Variants in HS6ST1 observed in about 807,000 individuals in gnomAD.
The protein encoded by HS6ST1 is heparan sulfate 6-O-sulfotransferase 1, also known as heparan-sulfate 6-O-sulfotransferase 1.
A neutral mutation model predicts 25.2 loss-of-function variants in HS6ST1; 3 were observed. The ratio of observed to expected loss-of-function variants is 0.12; its 90% confidence interval spans 0.05 to 0.31. The LOEUF (loss-of-function observed/expected upper bound fraction) is 0.31. Among genes scored for constraint, HS6ST1 ranks in the 10% least tolerant of loss-of-function variants. The probability of loss-of-function intolerance (pLI) is 1.00; values close to 1 mark genes in which losing one functional copy is unlikely to be tolerated. For synonymous variants in HS6ST1, 204 were observed against 275.1 expected, an observed-to-expected ratio of 0.74 and a Z score of 2.56; for missense variants, 310 against 609.6, an observed-to-expected ratio of 0.51 and a Z score of 5.18.
At position 128,291,486 on chromosome 2, in the gene HS6ST1, G is replaced by C. The variant is rs74702135; in HGVS notation, c.528-22616C>G. On this transcript the variant is annotated intron_variant, in intron 1 of 1. Coordinates refer to ENST00000259241, the MANE Select transcript of HS6ST1 (RefSeq NM_004807.3). ...TCTCTTGGGGGCTAGACCTCTGGCA[G>C]GGAGGGCCCCAGGCACTGGGTGAGC... 8.0e-3 allele frequency among the ~76,000 whole-genome samples: 1,221 copies of C among 152,352 alleles called. 15 individuals carry two copies. Among genetic ancestry groups the C allele is most frequent in the African/African-American group, 0.025 (1,044 of 41,582 alleles).
At chr2:128,285,322 C>T (rs564992535) in intron 1 of HS6ST1, among the ~76,000 whole-genome samples, 2 of 152,280 alleles carry the variant, frequency 1.3e-5, no homozygotes, top group African/African-American at 2.4e-5. Flanking sequence ...AGGTTCTGGG[C>T]GCACCCCACT....
chr2:128,271,189 G>A (rs1454988077), intron 1 of HS6ST1, among the ~76,000 whole-genome samples: 4 of 152,226 alleles, frequency 2.6e-5, no homozygotes, highest in Admixed American at 2.6e-4. Context: ...TAGCAGCGGG[G>A]ACAGATCCCG....
At chr2:128,302,336 T>C (rs1265223408) in intron 1 of HS6ST1, among the ~76,000 whole-genome samples, 2 of 152,168 alleles carry the variant, frequency 1.3e-5, no homozygotes, top group Non-Finnish European at 2.9e-5. Flanking sequence ...CTGGCGTGCA[T>C]GTGTGTCTGC....
chr2:128,312,665 C>A (rs1694308884), intron 1 of HS6ST1, among the ~76,000 whole-genome samples: 1 of 152,192 alleles, frequency 6.6e-6, no homozygotes, highest in Admixed American at 6.5e-5. Flanking sequence ...AAGTGCCCTA[C>A]ATAGATGGGC....
intron 1 of HS6ST1, among the ~76,000 whole-genome samples, chr2:128,283,657 G>C (rs563164506): frequency 5.9e-5 from 9 of 152,122 alleles, no homozygotes; most frequent in Admixed American, 1.3e-4. Context: ...CTGCAGCCTC[G>C]GCCTCCCCCT....
intron 1 of HS6ST1, among the ~76,000 whole-genome samples, chr2:128,306,205 G>A (rs534491358): frequency 4.1e-4 from 63 of 152,194 alleles, no homozygotes; most frequent in Non-Finnish European, 7.8e-4. Context: ...TTGTGCCTCC[G>A]CTCCTCAGCA....
intron 1 of HS6ST1, among the ~76,000 whole-genome samples, chr2:128,299,791 C>T (rs1193928306): frequency 1.3e-5 from 2 of 152,228 alleles, no homozygotes; most frequent in Non-Finnish European, 2.9e-5. Flanking sequence ...ACCCCTCCCC[C>T]ATCCCGGCCC....
chr2:128,312,831 G>A (rs533136027), intron 1 of HS6ST1, among the ~76,000 whole-genome samples: 10 of 152,264 alleles, frequency 6.6e-5, no homozygotes, highest in African/African-American at 2.4e-4. Context: ...AGGCGAAGTC[G>A]GGCAGATCAC....
In HS6ST1 at chr2:128,271,296, C is replaced by T. The variant is rs532853056; in HGVS notation, c.528-2426G>A. Among the ~76,000 whole-genome samples the T allele has an allele frequency of 2.2e-4, 33 of 152,352 alleles. 1 individual carries two copies. The South Asian group carries it at 5.8e-3, about 27-fold the overall frequency. On this transcript the variant is annotated intron_variant, in intron 1 of 1. Coordinates refer to ENST00000259241, the MANE Select transcript of HS6ST1 (RefSeq NM_004807.3). ...TGTGTATCGTGCAGGCTCCAGAAGA[C>T]GCTGATGAGCCTTAGAGCCTGCTGG... is the stretch of plus-strand genomic sequence containing the variant.
intron 1 of HS6ST1, among the ~76,000 whole-genome samples, chr2:128,285,442 C>T (rs534869081): frequency 5.9e-5 from 9 of 152,324 alleles, no homozygotes; most frequent in East Asian, 1.9e-4. Context: ...CTGCACTGGG[C>T]GCCTGTGTAC....
intron 1 of HS6ST1, among the ~76,000 whole-genome samples, chr2:128,287,218 G>A (rs990909846): frequency 2.6e-5 from 4 of 152,194 alleles, no homozygotes; most frequent in African/African-American, 9.7e-5. Context: ...CCCAGGAATG[G>A]TCACTCCCAT....
chr2:128,278,544 C>A (rs578194990), intron 1 of HS6ST1, among the ~76,000 whole-genome samples: 1 of 152,246 alleles, frequency 6.6e-6, no homozygotes, highest in East Asian at 1.9e-4. Flanking sequence ...TGAGCTGTCA[C>A]AGGGAGTCAT....
At chr2:128,308,388 G>C (rs1694242214) in intron 1 of HS6ST1, among the ~76,000 whole-genome samples, 1 of 152,224 alleles carries the variant, frequency 6.6e-6, no homozygotes, top group Admixed American at 6.5e-5. Context: ...CGAGGAACAA[G>C]GCCTGGGCCC....
At chr2:128,308,378 C>A (rs552936867) in intron 1 of HS6ST1, among the ~76,000 whole-genome samples, 3 of 152,284 alleles carry the variant, frequency 2.0e-5, no homozygotes, top group East Asian at 1.9e-4. Flanking sequence ...CCACTGCATC[C>A]GAGGAACAAG....
At chr2:128,308,245 AG>A (rs1002998060) in intron 1 of HS6ST1, among the ~76,000 whole-genome samples, 2 of 152,178 alleles carry the variant, frequency 1.3e-5, no homozygotes, top group African/African-American at 4.8e-5. Flanking sequence ...TTCACCTGCG[AG>A]CCGCACCCAG....
chr2:128,287,363 C>T (rs552746050), intron 1 of HS6ST1, among the ~76,000 whole-genome samples: 1 of 152,158 alleles, frequency 6.6e-6, no homozygotes, highest in African/African-American at 2.4e-5. Flanking sequence ...GGACAGCTGC[C>T]CCCCCTACTC....
At position 128,318,513 on chromosome 2, in the gene HS6ST1, C is replaced by T; in HGVS notation, c.51G>A (p.Lys17=). The change falls in exon 1 of 2, where the codon AAG becomes AAA. Residue 17 remains lysine (K), a synonymous_variant. Transcript: ENST00000259241. The surrounding 1 kb of genome is among the most constrained non-coding windows in gnomAD (Gnocchi z 5.7). ...CCGAGCCCGCCACCACCAGCACGAA[C>T]TTGCTGGCGCGCTCAACCATGGTCC... ...GGRTMVERAS[K]FVLVVAGSVC... is the part of the protein sequence containing the mutation. 1 of 1,537,658 alleles carries T rather than the reference C, an allele frequency of 6.5e-7. No homozygotes were observed. Among genetic ancestry groups the T allele is most frequent in the South Asian group, 1.2e-5 (1 of 84,364 alleles).
At chr2:128,301,814 G>C (rs530808339) in intron 1 of HS6ST1, among the ~76,000 whole-genome samples, 2 of 152,242 alleles carry the variant, frequency 1.3e-5, no homozygotes, top group South Asian at 4.2e-4. Context: ...TGGGGTCCCC[G>C]GCACTCATGG....
rs1477655687 is a variant in HS6ST1 at position 128,318,857 on chromosome 2, C to T, written c.-294G>A. Among the ~76,000 whole-genome samples the T allele has an allele frequency of 4.7e-5, 7 of 147,936 alleles. No individual in the cohort carries two copies. The highest frequency in any genetic ancestry group is 2.1e-4 in the South Asian group (1 of 4,832). On this transcript the variant is annotated 5_prime_UTR_variant, in exon 1 of 2. Transcript: ENST00000259241. The surrounding 1 kb of genome is among the most constrained non-coding windows in gnomAD (Gnocchi z 5.7). ...CAGCCCGCTCCGCTCCACTCCGCGC[C>T]GAGAACGCTCTGCGCCGCCCCGCGC... is the stretch of plus-strand genomic sequence containing the variant.
Sources: gnomAD v4.1 joint callset for allele counts (sites outside exome capture counted in the v4.1 genomes callset) on GRCh38, gnomAD v4.1.1 for gene constraint, Gnocchi (gnomAD v3.1) non-coding constraint, MANE v1.5 for transcripts, NCBI Gene and HGNC (gene_info 2026-07-23, HGNC 2026-07-21) for gene names.